GALNT5: variants seen among roughly 807,000 people sequenced by gnomAD.
GALNT5 encodes polypeptide N-acetylgalactosaminyltransferase 5.
In GALNT5, 72 loss-of-function variants were observed where a neutral mutation model predicts 85.4. The ratio of observed to expected loss-of-function variants is 0.84; its 90% confidence interval spans 0.70 to 1.03. The LOEUF is 1.03. Ranked by LOEUF, GALNT5 falls within the 50% of genes least tolerant of loss-of-function variation. The pLI is 0.00. For synonymous variants in GALNT5, 404 were observed against 397.0 expected (o/e 1.02, Z -0.21); for missense variants, 1,137 against 1,135.5 (o/e 1.00, Z -0.02).
intron 9 of GALNT5, among the ~76,000 whole-genome samples, chr2:157,309,056 G>A (rs908258065): frequency 6.6e-6 from 1 of 152,184 alleles, no homozygotes; most frequent in African/African-American, 2.4e-5. Flanking sequence ...CTGGTCATCA[G>A]TAATGCTTAT....
At chr2:157,309,783 G>A (rs547465175) in intron 9 of GALNT5, among the ~76,000 whole-genome samples, 2 of 152,210 alleles carry the variant, frequency 1.3e-5, no homozygotes, top group African/African-American at 4.8e-5. Flanking sequence ...CTTCTCTGTT[G>A]TATTTCAATT....
At position 157,295,695 on chromosome 2, in the gene GALNT5, G is replaced by A. The variant is rs1336471186; in HGVS notation, c.1774G>A (p.Glu592Lys). ...DVLTFLDSHV[E>K]CNVGWLEPLL... is the part of the protein sequence containing the mutation. Reference sequence around the variant, plus strand: ...GTTGACATTTTTAGATTCTCATGTGGAATGTAACGTTGGTTGGTTGGAACC... The same window carrying A: ...GTTGACATTTTTAGATTCTCATGTGAAATGTAACGTTGGTTGGTTGGAACC... Residue 592 changes from glutamate to lysine, a missense_variant, in exon 4 of 10, where the codon GAA becomes AAA. Transcript: ENST00000259056. The A allele has an allele frequency of 6.2e-7, 1 of 1,613,082 alleles. No individual in the cohort carries two copies. Among genetic ancestry groups the A allele is most frequent in the Non-Finnish European group, 8.5e-7 (1 of 1,179,400 alleles).
intron 3 of GALNT5, among the ~76,000 whole-genome samples, chr2:157,294,725 G>A (rs1185293062): frequency 6.6e-6 from 1 of 151,858 alleles, no homozygotes; most frequent in Non-Finnish European, 1.5e-5. Flanking sequence ...CACATAGGAT[G>A]TGGACCAGGA....
chr2:157,290,112 T>TATATATATATATATATATATATACAC (rs1416458086), intron 3 of GALNT5, among the ~76,000 whole-genome samples: 10 of 138,226 alleles, frequency 7.2e-5, no homozygotes, highest in African/African-American at 2.8e-4. Context: ...TATATATATA[T>TATATATATATATATATATATATACAC]ACATACACAA....
At chr2:157,299,474 T>G in intron 5 of GALNT5, 74 bp from the exon 6 acceptor site, 2 of 852,490 alleles carry the variant, frequency 2.3e-6, no homozygotes, top group South Asian at 3.0e-5. Context: ...CCCGTACAGA[T>G]GTACAGAGGA....
In GALNT5 at chr2:157,318,122, A is replaced by G. The variant is rs13430436; in HGVS notation, c.*6774A>G. 6.6e-5 allele frequency among the ~76,000 whole-genome samples: 10 copies of G among 151,982 alleles called. No individual in the cohort carries two copies. Among genetic ancestry groups the G allele is most frequent in the Non-Finnish European group, 1.3e-4 (9 of 67,974 alleles). ...CTGTCAAACATATTTCTTCTTTATT[A>G]TACTCTGGTGCTTTATCCTTCTCCA... On this transcript the variant is annotated 3_prime_UTR_variant, in exon 10 of 10. Transcript: ENST00000259056.
chr2:157,297,954 T>C (rs1574030648), intron 5 of GALNT5, among the ~76,000 whole-genome samples: 1 of 152,216 alleles, frequency 6.6e-6, no homozygotes, highest in Non-Finnish European at 1.5e-5. Context: ...AGGTTACTTA[T>C]CATCTTGAGC....
chr2:157,278,426 T>C (rs1682786023), intron 1 of GALNT5, among the ~76,000 whole-genome samples: 1 of 152,206 alleles, frequency 6.6e-6, no homozygotes, highest in Admixed American at 6.5e-5. Context: ...TTGGTTCCAT[T>C]CTCCCCATCA....
intron 3 of GALNT5, among the ~76,000 whole-genome samples, chr2:157,293,896 C>T (rs1683155316): frequency 6.6e-6 from 1 of 152,196 alleles, no homozygotes; most frequent in Non-Finnish European, 1.5e-5. Context: ...GAATGAGCTA[C>T]TTATTTTCTA....
At chr2:157,297,129 G>A (rs1558901264) in intron 5 of GALNT5, among the ~76,000 whole-genome samples, 2 of 152,162 alleles carry the variant, frequency 1.3e-5, no homozygotes, top group Non-Finnish European at 2.9e-5. Flanking sequence ...CCAGCCACAG[G>A]AAGAGCTGCA....
At chr2:157,309,430 G>C (rs934497555) in intron 9 of GALNT5, among the ~76,000 whole-genome samples, 1 of 152,168 alleles carries the variant, frequency 6.6e-6, no homozygotes, top group East Asian at 1.9e-4. Flanking sequence ...CATTCTCAAA[G>C]TCCTCTCCAT....
At chr2:157,263,990 C>T (rs976615832) in intron 1 of GALNT5, among the ~76,000 whole-genome samples, 4 of 152,022 alleles carry the variant, frequency 2.6e-5, no homozygotes, top group South Asian at 2.1e-4. Context: ...GAATGTTTTA[C>T]GTCAGTATGT....
rs1265639471 is a variant in GALNT5, at chr2:157,316,536, A to T, written c.*5188A>T. 2.0e-5 allele frequency among the ~76,000 whole-genome samples: 3 copies of T among 152,156 alleles called. No homozygotes were observed. The East Asian group carries it at 5.8e-4, about 29-fold the overall frequency. ...GACTTTTTATTCCTACTCATTGTGT[A>T]GGTTGTCACTACTGTGCTTTTGCAA... On this transcript the variant is annotated 3_prime_UTR_variant, in exon 10 of 10. Coordinates refer to ENST00000259056, the MANE Select transcript of GALNT5 (RefSeq NM_014568.3).
At chr2:157,264,564 T>C (rs1262579763) in intron 1 of GALNT5, among the ~76,000 whole-genome samples, 1 of 152,084 alleles carries the variant, frequency 6.6e-6, no homozygotes, top group East Asian at 1.9e-4. Flanking sequence ...TGTCAACCAA[T>C]AATTTGATTC....
intron 8 of GALNT5, 53 bp downstream of exon 8, chr2:157,305,882 A>G: frequency 1.1e-6 from 1 of 924,866 alleles, no homozygotes. Context: ...AGGGTATGAC[A>G]CATTCATTGC....
chr2:157,273,691 G>A (rs1682649147), intron 1 of GALNT5, among the ~76,000 whole-genome samples: 1 of 116,278 alleles, frequency 8.6e-6, no homozygotes, highest in Non-Finnish European at 1.6e-5. Flanking sequence ...TGCCCAGGCT[G>A]GAGTGCAATG....
chr2:157,281,658 T>C (rs979778095), intron 1 of GALNT5, among the ~76,000 whole-genome samples: 11 of 152,298 alleles, frequency 7.2e-5, no homozygotes, highest in African/African-American at 2.2e-4. Flanking sequence ...TTTGAAAATA[T>C]GTATGCTATC....
chr2:157,295,259 TTCA>T, intron 3 of GALNT5, among the ~76,000 whole-genome samples: 1 of 152,296 alleles, frequency 6.6e-6, no homozygotes, highest in East Asian at 1.9e-4. Context: ...ATTTTTCCTC[TTCA>T]TCATTCCTAA....
intron 1 of GALNT5, among the ~76,000 whole-genome samples, chr2:157,267,959 G>C (rs1481550620): frequency 6.6e-6 from 1 of 152,164 alleles, no homozygotes; most frequent in African/African-American, 2.4e-5. Context: ...TAAGGTCTGG[G>C]AGAAAAGAAT....
Sources: gnomAD v4.1 joint callset for allele counts (sites outside exome capture counted in the v4.1 genomes callset) on GRCh38, gnomAD v4.1.1 for gene constraint, MANE v1.5 for transcripts, NCBI Gene and HGNC (gene_info 2026-07-23, HGNC 2026-07-21) for gene names.